ARID1B: variants seen among roughly 807,000 people sequenced by gnomAD.
ARID1B encodes AT-rich interaction domain 1B, also known as AT-rich interactive domain-containing protein 1B.
ARID1B carries 30 observed loss-of-function variants against 212.3 expected under a neutral mutation model. That is an observed-to-expected ratio of 0.14 (90% CI 0.11 to 0.19). The LOEUF (loss-of-function observed/expected upper bound fraction) is 0.19. ARID1B is among the 10% of genes least tolerant of loss of function. ARID1B has a pLI of 1.00. For synonymous variants in ARID1B, 1,402 were observed against 1,301.7 expected (o/e 1.08, Z -1.66); for missense variants, 2,891 against 3,204.0 (o/e 0.90, Z 2.36).
chr6:156,826,933 T>C (rs966130785), intron 1 of ARID1B, among the ~76,000 whole-genome samples: 1 of 152,186 alleles, frequency 6.6e-6, no homozygotes, highest in African/African-American at 2.4e-5. Flanking sequence ...AGCGGTGATA[T>C]TCTCTAGGAT....
At chr6:157,065,809 T>C (rs1260159734) in intron 4 of ARID1B, among the ~76,000 whole-genome samples, 2 of 152,238 alleles carry the variant, frequency 1.3e-5, no homozygotes, top group African/African-American at 4.8e-5. Context: ...GACAAATGAC[T>C]ATGCTGTCAT....
At chr6:157,097,911 G>A (rs1785767175) in intron 5 of ARID1B, among the ~76,000 whole-genome samples, 1 of 152,150 alleles carries the variant, frequency 6.6e-6, no homozygotes, top group Admixed American at 6.5e-5. Context: ...CAAAAGAACG[G>A]GTGGGGGAAA....
At position 157,207,135 on chromosome 6, in the gene ARID1B, G is replaced by A; in HGVS notation, c.6363G>A (p.Glu2121=). ...GAGCACCGCAGACCTATGAGAAAGAGGAGGATGAGGACAAGGGGGTGGCCT... is the reference window on the plus strand; with the variant it reads ...GAGCACCGCAGACCTATGAGAAAGAAGAGGATGAGGACAAGGGGGTGGCCT... ...RKRAPQTYEK[E]EDEDKGVACS... is the part of the protein sequence containing the mutation. The change falls in exon 20 of 20, where the codon GAG becomes GAA. Residue 2121 remains glutamate, a synonymous_variant. Transcript: ENST00000636930. The surrounding 1 kb of genome is among the most constrained non-coding windows in gnomAD (Gnocchi z 8.5). 1 of 1,614,246 alleles carries A rather than the reference G, an allele frequency of 6.2e-7. No homozygotes were observed. The highest frequency in any genetic ancestry group is 8.5e-7 in the Non-Finnish European group (1 of 1,180,044).
chr6:157,195,938 G>T, intron 15 of ARID1B: 1 of 449,632 alleles, frequency 2.2e-6, no homozygotes, highest in Admixed American at 4.4e-5. Context: ...GTGGATGCCT[G>T]TAATCTCAGC....
chr6:157,075,717 G>A (rs1205755762), intron 4 of ARID1B, among the ~76,000 whole-genome samples: 1 of 152,206 alleles, frequency 6.6e-6, no homozygotes, highest in African/African-American at 2.4e-5. Flanking sequence ...CCCCGCTATG[G>A]TACGATATGA....
At chr6:156,936,904 C>A (rs1792279858) in intron 4 of ARID1B, 1 of 152,052 alleles carries the variant, frequency 6.6e-6, no homozygotes, top group Non-Finnish European at 1.5e-5. Flanking sequence ...CGTACCATAC[C>A]ATATACATTT....
intron 4 of ARID1B, among the ~76,000 whole-genome samples, chr6:157,007,894 T>A (rs1303456997): frequency 6.6e-6 from 1 of 152,054 alleles, no homozygotes; most frequent in Non-Finnish European, 1.5e-5. Flanking sequence ...GCCAGGATGG[T>A]CTCGATCTCC....
At chr6:156,963,464 T>C (rs1394514962) in intron 4 of ARID1B, among the ~76,000 whole-genome samples, 5 of 152,200 alleles carry the variant, frequency 3.3e-5, no homozygotes, top group African/African-American at 1.2e-4. Flanking sequence ...TCAAATACAG[T>C]TAGTTGCGTA....
At chr6:156,982,654 C>CT (rs997555075) in intron 4 of ARID1B, among the ~76,000 whole-genome samples, 2 of 151,998 alleles carry the variant, frequency 1.3e-5, no homozygotes, top group Admixed American at 6.6e-5. Context: ...AACCTTGACT[C>CT]TATCTGCCAA....
At chr6:156,992,623 CG>C (rs1442707499) in intron 4 of ARID1B, among the ~76,000 whole-genome samples, 2 of 152,190 alleles carry the variant, frequency 1.3e-5, no homozygotes, top group African/African-American at 4.8e-5. Context: ...GTATTCAGAA[CG>C]GCCTCCCATC....
chr6:156,814,000 G>T (rs953941384), intron 1 of ARID1B, among the ~76,000 whole-genome samples: 1 of 152,182 alleles, frequency 6.6e-6, no homozygotes, highest in African/African-American at 2.4e-5. Context: ...CCACGAGAGT[G>T]GGTACAGTGT....
intron 4 of ARID1B, among the ~76,000 whole-genome samples, chr6:156,960,131 G>A (rs558612434): frequency 8.0e-4 from 121 of 151,974 alleles, no homozygotes; most frequent in African/African-American, 2.6e-3. Context: ...GGGTTTCACC[G>A]TGTAGGTCAG....
chr6:157,145,426 G>C (rs1415947639), intron 7 of ARID1B, among the ~76,000 whole-genome samples: 1 of 152,152 alleles, frequency 6.6e-6, no homozygotes, highest in Non-Finnish European at 1.5e-5. Flanking sequence ...TCTGGCCCTT[G>C]ACAAAAAGCG....
intron 2 of ARID1B, among the ~76,000 whole-genome samples, chr6:156,897,215 G>GCTGCTGCTGCTT (rs1788500814): frequency 1.3e-5 from 1 of 76,206 alleles, no homozygotes; most frequent in Non-Finnish European, 3.2e-5. Context: ...TGCTGCTGCT[G>GCTGCTGCTGCTT]CTGCTTCTTC....
intron 7 of ARID1B, among the ~76,000 whole-genome samples, chr6:157,142,158 A>T (rs1789406641): frequency 6.6e-6 from 1 of 152,186 alleles, no homozygotes; most frequent in African/African-American, 2.4e-5. Context: ...AGAGAAATAA[A>T]ATGACATGAA....
rs371373961 is a variant in ARID1B, at chr6:156,827,800, C to T, written c.1792-1427C>T. ...TTTTTTTTTGAGATGGAGTCTAGCT[C>T]TGTCTCTCAGGCTGGAGTGGCACAA... On this transcript the variant is annotated intron_variant, in intron 1 of 19. Coordinates refer to ENST00000636930, the MANE Select transcript of ARID1B (RefSeq NM_001374828.1). Among the ~76,000 whole-genome samples, 11 of 114,344 alleles carry T rather than the reference C, an allele frequency of 9.6e-5. No homozygotes were observed. In the East Asian group the frequency reaches 1.8e-3, roughly 19 times the overall value. 75.0% of individuals were successfully genotyped at this position (114,344 alleles called of 152,430 possible). A position where few individuals can be genotyped will look rare whatever the true frequency, so the allele number is the denominator to read the frequency against.
At chr6:157,187,415 G>A (rs1562334069) in intron 13 of ARID1B, among the ~76,000 whole-genome samples, 2 of 152,190 alleles carry the variant, frequency 1.3e-5, no homozygotes, top group African/African-American at 4.8e-5. Context: ...AGATAAATGA[G>A]AAAGGGACTC....
intron 4 of ARID1B, chr6:157,024,275 A>G (rs1023899795): frequency 1.3e-5 from 2 of 152,260 alleles, no homozygotes; most frequent in African/African-American, 2.4e-5. Context: ...ACTCTTAGAA[A>G]AACATAACAT....
At chr6:156,891,878 T>C (rs1787949506) in intron 2 of ARID1B, among the ~76,000 whole-genome samples, 1 of 150,224 alleles carries the variant, frequency 6.7e-6, no homozygotes, top group Non-Finnish European at 1.5e-5. Flanking sequence ...TTTTCTGTTT[T>C]TTTTTTTTTT....
Sources: allele counts gnomAD v4.1 joint callset (sites outside exome capture counted in the v4.1 genomes callset), GRCh38; gene constraint gnomAD v4.1.1; non-coding constraint Gnocchi (gnomAD v3.1); transcripts MANE v1.5; gene names NCBI Gene and HGNC (gene_info 2026-07-23, HGNC 2026-07-21).